The following DNAJC6 variants were observed in gnomAD, a reference collection of about 807,000 sequenced individuals.
DNAJC6 encodes the protein auxilin.
A neutral mutation model predicts 110.0 loss-of-function variants in DNAJC6; 34 were observed. The ratio of observed to expected loss-of-function variants is 0.31; its 90% CI spans 0.24 to 0.41. The LOEUF (loss-of-function observed/expected upper bound fraction) is 0.41, where lower values mean the gene tolerates loss of function less well. Among genes scored for constraint, DNAJC6 ranks in the 10% least tolerant of loss-of-function variants. The pLI, the probability that DNAJC6 is intolerant of heterozygous loss-of-function variation, is 1.00. For missense variants in DNAJC6, 1,031 were observed against 1,207.8 expected (o/e 0.85, Z 2.17); for synonymous variants, 406 against 437.2 (o/e 0.93, Z 0.89).
In DNAJC6 at chr1:65,364,791, C is replaced by T. The variant is rs376352654; in HGVS notation, c.344+6C>T. The T allele has an allele frequency of 3.4e-5, 54 of 1,611,448 alleles. No homozygotes were observed. The highest frequency in any genetic ancestry group is 1.7e-4 in the Middle Eastern group (1 of 6,060). On this transcript the variant is annotated splice_donor_region_variant and intron_variant, in intron 2 of 18. Transcript: ENST00000371069. ...GTGATACAATCTGTGACCAGGTACG[C>T]ACATTCTTCCCAGTTAATTTAGTGG... is the stretch of plus-strand genomic sequence containing the variant.
In DNAJC6 at chr1:65,392,674, C is replaced by T. The variant is rs935966719; in HGVS notation, c.1712C>T (p.Pro571Leu). ...GSAMSNSFSP[P>L]AAPPTNSELL... ...GCAATGAGTAACAGCTTCTCTCCGC[C>T]AGCGGCTCCTCCCACCAATTCTGAA... Residue 571 changes from proline (P) to leucine (L), a missense_variant, in exon 12 of 19, where the codon CCA becomes CTA. Physicochemically the swap from Pro to Leu is moderately conservative, Grantham distance 98 (BLOSUM62 -3). Transcript: ENST00000371069. The T allele has an allele frequency of 1.9e-6, 3 of 1,612,814 alleles. No homozygotes were observed. The highest frequency in any genetic ancestry group is 2.5e-6 in the Non-Finnish European group (3 of 1,179,346).
At chr1:65,300,043 C>CAAAAAAAAAAAA (rs59681451) in intron 1 of DNAJC6, among the ~76,000 whole-genome samples, 3 of 112,036 alleles carry the variant, frequency 2.7e-5, no homozygotes, top group African/African-American at 6.6e-5. Context: ...AACTCCATCT[C>CAAAAAAAAAAAA]AAAAAAAAAA....
intron 1 of DNAJC6, among the ~76,000 whole-genome samples, chr1:65,342,059 G>T (rs1250864111): frequency 6.6e-6 from 1 of 152,112 alleles, no homozygotes; most frequent in Non-Finnish European, 1.5e-5. Context: ...TCAGGCCAAG[G>T]TCTGCCTTTT....
At chr1:65,362,440 G>C (rs1186754731) in intron 1 of DNAJC6, among the ~76,000 whole-genome samples, 1 of 152,042 alleles carries the variant, frequency 6.6e-6, no homozygotes, top group Non-Finnish European at 1.5e-5. Flanking sequence ...TGCCATTCTT[G>C]TCTTTTGTCA....
chr1:65,407,440 T>G (rs1646087440), intron 16 of DNAJC6, among the ~76,000 whole-genome samples: 1 of 152,150 alleles, frequency 6.6e-6, no homozygotes, highest in East Asian at 1.9e-4. Context: ...TTTCCTAAGT[T>G]TATACAGCTT....
chr1:65,347,359 A>C (rs1264160741), intron 1 of DNAJC6, among the ~76,000 whole-genome samples: 1 of 150,446 alleles, frequency 6.6e-6, no homozygotes, highest in Non-Finnish European at 1.5e-5. Flanking sequence ...ACTGCTTTGC[A>C]GTCTTTATAC....
chr1:65,353,643 T>C (rs1645512873), intron 1 of DNAJC6, among the ~76,000 whole-genome samples: 1 of 152,256 alleles, frequency 6.6e-6, no homozygotes, highest in African/African-American at 2.4e-5. Context: ...GTATTTCTCA[T>C]TTTTTCCACT....
intron 1 of DNAJC6, among the ~76,000 whole-genome samples, chr1:65,342,497 C>T (rs1011190133): frequency 4.6e-5 from 7 of 152,146 alleles, no homozygotes; most frequent in African/African-American, 1.7e-4. Context: ...AATCTGCAGG[C>T]ACCTTGATCT....
intron 1 of DNAJC6, among the ~76,000 whole-genome samples, chr1:65,320,206 T>C (rs945949561): frequency 2.0e-5 from 3 of 152,208 alleles, no homozygotes; most frequent in Non-Finnish European, 4.4e-5. Flanking sequence ...CCAGAGGCAG[T>C]TGCATTTCAT....
chr1:65,392,442 G>A lies in DNAJC6; in HGVS notation c.1480G>A (p.Glu494Lys). 4 of 1,597,784 alleles carry A rather than the reference G, an allele frequency of 2.5e-6. No homozygotes were observed. The highest frequency in any genetic ancestry group is 3.4e-6 in the Non-Finnish European group (4 of 1,171,102). ...CTGGCCTTCCTCAGATCAGAAATCG[G>A]AGAAGTCATTCTGTGAGGAGGACCA... ...ASLCWQDQKS[E>K]KSFCEEDHAA... Residue 494 changes from glutamate to lysine, a missense_variant, in exon 12 of 19, where the codon GAG becomes AAG. Glu to Lys is a moderately conservative substitution (Grantham distance 56). Transcript: ENST00000371069.
chr1:65,349,101 T>A (rs1405250630), intron 1 of DNAJC6, among the ~76,000 whole-genome samples: 6 of 128,802 alleles, frequency 4.7e-5, no homozygotes, highest in African/African-American at 8.8e-5. Context: ...AATATATATA[T>A]AAATAAATAT....
At chr1:65,370,045 A>AT (rs772976993) in intron 4 of DNAJC6, among the ~76,000 whole-genome samples, 15 of 151,194 alleles carry the variant, frequency 9.9e-5, no homozygotes, top group South Asian at 2.1e-4. Context: ...AGGTGTTTTT[A>AT]TTTTTTTTTA....
chr1:65,367,369 A>G (rs1208855720), intron 4 of DNAJC6, among the ~76,000 whole-genome samples: 1 of 152,232 alleles, frequency 6.6e-6, no homozygotes, highest in Admixed American at 6.5e-5. Flanking sequence ...TTTTAAATGC[A>G]TCTCTTTAAA....
chr1:65,307,850 A>G (rs1210693904), upstream of DNAJC6, among the ~76,000 whole-genome samples: 1 of 152,200 alleles, frequency 6.6e-6, no homozygotes, highest in Non-Finnish European at 1.5e-5. Context: ...GCCACCATTC[A>G]GATTGTTTGA....
chr1:65,297,891 C>A (rs1229437079), intron 1 of DNAJC6, among the ~76,000 whole-genome samples: 1 of 152,166 alleles, frequency 6.6e-6, no homozygotes, highest in Non-Finnish European at 1.5e-5. Flanking sequence ...GCCACCCAGA[C>A]TGGTAATCTG....
chr1:65,282,141 A>G (rs955122387), intron 1 of DNAJC6, among the ~76,000 whole-genome samples: 4 of 152,136 alleles, frequency 2.6e-5, no homozygotes, highest in African/African-American at 9.7e-5. Context: ...CCCAGGCTCA[A>G]GTGAACTCCA....
intron 1 of DNAJC6, among the ~76,000 whole-genome samples, chr1:65,326,491 T>C (rs1645242928): frequency 6.6e-6 from 1 of 152,198 alleles, no homozygotes; most frequent in Admixed American, 6.5e-5. Flanking sequence ...GGAAAAAGCA[T>C]TGTAGTCTTT....
intron 1 of DNAJC6, among the ~76,000 whole-genome samples, chr1:65,289,024 T>G (rs1187096488): frequency 6.6e-6 from 1 of 152,208 alleles, no homozygotes; most frequent in East Asian, 1.9e-4. Context: ...ATATTTCTGT[T>G]GGTTATATAT....
chr1:65,344,604 A>G (rs1174385700), intron 1 of DNAJC6, among the ~76,000 whole-genome samples: 3 of 152,214 alleles, frequency 2.0e-5, no homozygotes, highest in African/African-American at 7.2e-5. Flanking sequence ...TAGCAGTGCT[A>G]TGCCTAGAAT....
Sources: gnomAD v4.1 joint callset for allele counts (sites outside exome capture counted in the v4.1 genomes callset) on GRCh38, gnomAD v4.1.1 for gene constraint, MANE v1.5 for transcripts, NCBI Gene and HGNC (gene_info 2026-07-23, HGNC 2026-07-21) for gene names.